ASB14: variants seen among roughly 807,000 people sequenced by gnomAD.
ASB14 encodes ankyrin repeat and SOCS box containing 14.
ASB14 carries 63 observed loss-of-function variants against 55.6 expected under a neutral mutation model. The observed-to-expected ratio is 1.13, with a 90% CI of 0.92 to 1.40. The LOEUF (loss-of-function observed/expected upper bound fraction) is 1.40. Ranked by LOEUF, ASB14 falls within the 40% of genes most tolerant of loss-of-function variation. The probability of loss-of-function intolerance (pLI) is 0.00; values close to 1 mark genes in which losing one functional copy is unlikely to be tolerated. For synonymous variants in ASB14, 256 were observed against 259.9 expected (o/e 0.98, Z 0.15); for missense variants, 724 against 710.4 (o/e 1.02, Z -0.22).
At chr3:57,273,446 T>C (rs2060961180) in intron 10 of ASB14, 2 of 152,722 alleles carry the variant, frequency 1.3e-5, no homozygotes, top group South Asian at 4.1e-4. Context: ...AAGTCCATGA[T>C]TTTTGTACAG....
intron 2 of ASB14, among the ~76,000 whole-genome samples, chr3:57,289,703 T>C (rs796399892): frequency 1.4e-5 from 2 of 139,790 alleles, no homozygotes; most frequent in African/African-American, 5.8e-5. Flanking sequence ...TTTTTTTTTT[T>C]TTTTTTTGAG....
chr3:57,283,543 A>G (rs2061055520), intron 5 of ASB14, 104 bp from the exon 6 acceptor site: 1 of 1,189,746 alleles, frequency 8.4e-7, no homozygotes, highest in African/African-American at 1.5e-5. Flanking sequence ...CTTCCCACCC[A>G]CTCCCAGACC....
intron 7 of ASB14, among the ~76,000 whole-genome samples, chr3:57,279,919 G>A (rs1006329069): frequency 6.6e-5 from 10 of 152,134 alleles, no homozygotes; most frequent in East Asian, 5.8e-4. Flanking sequence ...CGGGGGTTGG[G>A]GGGGAACCGT....
intron 7 of ASB14, among the ~76,000 whole-genome samples, chr3:57,279,284 T>A (rs1011990990): frequency 1.0e-4 from 15 of 143,286 alleles, no homozygotes; most frequent in East Asian, 8.1e-4. Context: ...TTTTTTTTTT[T>A]TTTTTTTTGA....
intron 2 of ASB14, among the ~76,000 whole-genome samples, chr3:57,290,256 T>A (rs960520119): frequency 4.6e-5 from 7 of 152,170 alleles, no homozygotes; most frequent in Non-Finnish European, 7.4e-5. Flanking sequence ...TTGGGGAGAC[T>A]CTATCTCTGC....
chr3:57,288,937 C>T (rs1347832433), intron 3 of ASB14, 131 bp downstream of exon 3: 19 of 614,064 alleles, frequency 3.1e-5, no homozygotes, highest in Non-Finnish European at 4.3e-5. Flanking sequence ...AGGCTGGTCT[C>T]GAACTCCTGA....
chr3:57,288,746 G>A (rs764728399), intron 3 of ASB14, among the ~76,000 whole-genome samples: 10 of 121,762 alleles, frequency 8.2e-5, no homozygotes, highest in Non-Finnish European at 1.3e-4. Context: ...ACGGAGTCTC[G>A]CTCTGTTGCC....
At chr3:57,279,384 C>CTT (rs963651603) in intron 7 of ASB14, among the ~76,000 whole-genome samples, 3 of 145,962 alleles carry the variant, frequency 2.1e-5, no homozygotes, top group Middle Eastern at 3.6e-3. Context: ...AAGCAATTCT[C>CTT]CTAAGAGTTT....
At chr3:57,276,072 C>T (rs1317360300) in intron 10 of ASB14, among the ~76,000 whole-genome samples, 1 of 152,008 alleles carries the variant, frequency 6.6e-6, no homozygotes, top group Admixed American at 6.6e-5. Context: ...ATATATACTT[C>T]TCTATAAAAA....
intron 10 of ASB14, chr3:57,272,116 T>C (rs1166914167): frequency 1.3e-5 from 2 of 152,198 alleles, no homozygotes; most frequent in South Asian, 2.1e-4. Context: ...TTAATGGTGT[T>C]AGAAATCAAC....
intron 10 of ASB14, among the ~76,000 whole-genome samples, chr3:57,275,062 G>C (rs1220500142): frequency 1.3e-5 from 2 of 152,182 alleles, no homozygotes; most frequent in Non-Finnish European, 2.9e-5. Context: ...TCATGTACTG[G>C]GGTAAGTATA....
Position 57,269,286 on chromosome 3 carries a change from T to C in ASB14, c.*355A>G, listed in dbSNP as rs573086823. On this transcript the variant is annotated 3_prime_UTR_variant, in exon 11 of 11. Coordinates refer to ENST00000487349, the MANE Select transcript of ASB14 (RefSeq NM_001142733.3). Reference sequence around the variant, plus strand: ...GTGAGAGATGATTGATGATGGGCTTTATTTGGTTGTTGGTCATAAAAAAAG... The same window carrying C: ...GTGAGAGATGATTGATGATGGGCTTCATTTGGTTGTTGGTCATAAAAAAAG... 1 of 372,732 alleles carries C rather than the reference T, an allele frequency of 2.7e-6. No homozygotes were observed. Among genetic ancestry groups the C allele is most frequent in the Non-Finnish European group, 4.9e-6 (1 of 206,066 alleles). The allele number at this position is 372,732 out of a possible 1,614,324, so 23.1% of individuals were successfully genotyped here. A position where few individuals can be genotyped will look rare whatever the true frequency, so the allele number is the denominator to read the frequency against.
Position 57,288,146 on chromosome 3 carries a change from G to A in ASB14, c.310+9C>T, listed in dbSNP as rs535677037. ...TCAGAAGCATCAAGAAGAATCAAAGGGAATTTACCGCTTAGGGTTATTTCC... is the reference window on the plus strand; with the variant it reads ...TCAGAAGCATCAAGAAGAATCAAAGAGAATTTACCGCTTAGGGTTATTTCC... On this transcript the variant is annotated intron_variant, in intron 4 of 10. Transcript: ENST00000487349. The A allele has an allele frequency of 2.1e-4, 321 of 1,536,758 alleles. 2 individuals are homozygous for A. In the South Asian group the frequency reaches 3.6e-3, roughly 17 times the overall value.
At chr3:57,275,498 T>TA (rs1165688943) in intron 10 of ASB14, among the ~76,000 whole-genome samples, 1 of 150,498 alleles carries the variant, frequency 6.6e-6, no homozygotes, top group Non-Finnish European at 1.5e-5. Context: ...CAGAAATACA[T>TA]AATTTATGAG....
intron 5 of ASB14, 96 bp downstream of exon 5, chr3:57,287,805 G>T: frequency 7.7e-6 from 10 of 1,293,240 alleles, no homozygotes; most frequent in Non-Finnish European, 1.1e-5. Flanking sequence ...CAGAGTGACA[G>T]TGCTGCAACT....
intron 5 of ASB14, among the ~76,000 whole-genome samples, 192 bp downstream of exon 5, chr3:57,287,709 G>C (rs2061091046): frequency 6.6e-6 from 1 of 152,090 alleles, no homozygotes; most frequent in African/African-American, 2.4e-5. Flanking sequence ...CTCTTAACTG[G>C]GCAGAGGTTT....
At chr3:57,280,607 T>A in intron 6 of ASB14, 134 bp from the exon 7 acceptor site, 1 of 665,506 alleles carries the variant, frequency 1.5e-6, no homozygotes. Context: ...AGAATCAAAG[T>A]AACAGAATAT....
intron 3 of ASB14, among the ~76,000 whole-genome samples, chr3:57,288,572 G>A (rs1319200539): frequency 6.6e-6 from 1 of 151,816 alleles, no homozygotes; most frequent in Non-Finnish European, 1.5e-5. Context: ...TTTTCTCCCA[G>A]AAAAGCCTAC....
intron 7 of ASB14, among the ~76,000 whole-genome samples, chr3:57,279,944 C>G (rs953247360): frequency 6.6e-6 from 1 of 151,994 alleles, no homozygotes; most frequent in Admixed American, 6.6e-5. Flanking sequence ...ATTACTCACA[C>G]GATGTGCTGA....
Sources: allele counts gnomAD v4.1 joint callset (sites outside exome capture counted in the v4.1 genomes callset), GRCh38; gene constraint gnomAD v4.1.1; transcripts MANE v1.5; gene names NCBI Gene and HGNC (gene_info 2026-07-23, HGNC 2026-07-21).